The following NIBAN3 variants were observed in gnomAD, a reference collection of about 807,000 sequenced individuals.
The protein encoded by NIBAN3 is protein Niban 3.
A neutral mutation model predicts 76.4 loss-of-function variants in NIBAN3; 66 were observed. The observed-to-expected ratio is 0.86, with a 90% CI of 0.71 to 1.06. The LOEUF is 1.06. Among genes scored for constraint, NIBAN3 ranks in the 50% least tolerant of loss-of-function variants. NIBAN3 has a pLI of 0.00. For synonymous variants in NIBAN3, 360 were observed against 355.2 expected (o/e 1.01, Z -0.15); for missense variants, 808 against 810.7 (o/e 1.00, Z 0.04).
intron 6 of NIBAN3, 40 bp downstream of exon 6, chr19:17,539,305 C>A (rs2075890566): frequency 6.4e-7 from 1 of 1,561,806 alleles, no homozygotes; most frequent in African/African-American, 1.4e-5. Flanking sequence ...CCCCCAGGAC[C>A]CTCCCGGCCG....
intron 12 of NIBAN3, chr19:17,545,185 A>ATTTTG: frequency 6.8e-6 from 1 of 146,396 alleles, no homozygotes; most frequent in South Asian, 2.1e-4. Flanking sequence ...ATTTTATTTT[A>ATTTTG]TTTTATTTTA....
At chr19:17,547,913 A>T (rs4808665) in intron 13 of NIBAN3, among the ~76,000 whole-genome samples, 1 of 152,014 alleles carries the variant, frequency 6.6e-6, no homozygotes, top group Non-Finnish European at 1.5e-5. Flanking sequence ...GATCCGCCTG[A>T]CTTGGCCTCC....
Position 17,527,320 on chromosome 19 carries a change from G to C in NIBAN3, c.-21G>C. 6.4e-7 allele frequency: 1 copy of C among 1,550,452 alleles called. No homozygotes were observed. The highest frequency in any genetic ancestry group is 8.7e-7 in the Non-Finnish European group (1 of 1,146,702). ...GGTGGTCGTGGGGAAGGGAAGAGGA[G>C]CCCCGGGAGACGACAGCAGCATGGG... On this transcript the variant is annotated 5_prime_UTR_variant, in exon 1 of 15. Transcript: ENST00000599164.
intron 10 of NIBAN3, among the ~76,000 whole-genome samples, 182 bp from the exon 11 acceptor site, chr19:17,543,135 A>T (rs745434777): frequency 1.6e-4 from 24 of 152,166 alleles, no homozygotes; most frequent in Non-Finnish European, 3.2e-4. Context: ...TCCCCCACAG[A>T]CTAGACAATC....
chr19:17,541,429 T>C (rs1268726455), intron 9 of NIBAN3, among the ~76,000 whole-genome samples: 1 of 152,042 alleles, frequency 6.6e-6, no homozygotes, highest in African/African-American at 2.4e-5. Context: ...CTGTGGGTGA[T>C]TTCTATACTC....
chr19:17,540,612 G>A, intron 9 of NIBAN3, 30 bp downstream of exon 9: 1 of 1,394,202 alleles, frequency 7.2e-7, no homozygotes, highest in African/African-American at 1.5e-5. Context: ...GGTTCAGTGA[G>A]CCAGAGGGTG....
chr19:17,536,665 A>G (rs911748944), intron 4 of NIBAN3, among the ~76,000 whole-genome samples: 2 of 152,298 alleles, frequency 1.3e-5, no homozygotes, highest in African/African-American at 4.8e-5. Flanking sequence ...TCAGCCTCCA[A>G]AGGTGCTGGG....
chr19:17,540,015 C>T, intron 8 of NIBAN3: 1 of 478,338 alleles, frequency 2.1e-6, no homozygotes, highest in South Asian at 3.4e-5. Flanking sequence ...GAAACCAGGT[C>T]CTAAGGGGGC....
chr19:17,528,840 G>GT (rs1336547275), intron 1 of NIBAN3, among the ~76,000 whole-genome samples: 2 of 151,906 alleles, frequency 1.3e-5, no homozygotes, highest in Non-Finnish European at 2.9e-5. Context: ...ATGGAAGAGT[G>GT]TTTTTTTGGT....
chr19:17,534,815 A>G (rs542418917), intron 4 of NIBAN3, among the ~76,000 whole-genome samples: 1 of 151,926 alleles, frequency 6.6e-6, no homozygotes, highest in Non-Finnish European at 1.5e-5. Context: ...AAAGAAAAGA[A>G]AAGAAATTAG....
chr19:17,539,657 G>T lies in NIBAN3; in HGVS notation c.871G>T (p.Ala291Ser). 1 of 1,565,226 alleles carries T rather than the reference G, an allele frequency of 6.4e-7. No homozygotes were observed. Among genetic ancestry groups the T allele is most frequent in the Non-Finnish European group, 8.7e-7 (1 of 1,154,754 alleles). The part of the protein sequence containing the change: ...VLAGASAGLC[A>S]FQPEKDELLA... ...GGCCGGGGCCTCCGCCGGGCTCTGC[G>T]CCTTCCAGCCCGAAAAGGACGAGCT... Residue 291 changes from alanine (A) to serine (S), a missense_variant, in exon 8 of 15, where the codon GCC becomes TCC. Physicochemically the swap from Ala to Ser is moderately conservative, Grantham distance 99. Transcript: ENST00000599164.
chr19:17,533,739 C>A (rs1378079289), intron 4 of NIBAN3, 38 bp downstream of exon 4: 2 of 1,457,412 alleles, frequency 1.4e-6, no homozygotes, highest in Non-Finnish European at 1.9e-6. Flanking sequence ...GGTTTCTCCA[C>A]CCCAGCATCA....
intron 4 of NIBAN3, among the ~76,000 whole-genome samples, chr19:17,536,947 G>A (rs2075835244): frequency 6.6e-6 from 1 of 152,008 alleles, no homozygotes; most frequent in Non-Finnish European, 1.5e-5. Context: ...GACCAGCCTG[G>A]GTAACATAGT....
intron 9 of NIBAN3, among the ~76,000 whole-genome samples, chr19:17,541,668 T>A (rs2075955025): frequency 1.4e-5 from 2 of 146,378 alleles, no homozygotes; most frequent in South Asian, 4.4e-4. Flanking sequence ...TTTTATTTTA[T>A]TTTATTTTAT....
At position 17,529,177 on chromosome 19, in the gene NIBAN3, G is replaced by C. The variant is rs114491348; in HGVS notation, c.56-1578G>C. The stretch of plus-strand genomic sequence containing the variant: ...GCTTCATTCTCTTATATGTAAAATG[G>C]GGATAGCAACAACGCCTAGCTCATG... On this transcript the variant is annotated intron_variant, in intron 1 of 14. Coordinates refer to ENST00000599164, the MANE Select transcript of NIBAN3 (RefSeq NM_001321827.2). 9.4e-3 allele frequency among the ~76,000 whole-genome samples: 1,439 copies of C among 152,298 alleles called. 17 individuals are homozygous for C. The highest frequency in any genetic ancestry group is 0.033 in the African/African-American group (1,390 of 41,554).
chr19:17,543,613 C>A lies in NIBAN3; in HGVS notation c.1536C>A (p.Leu512=), dbSNP rs774926884. Reference sequence around the variant, plus strand: ...TTTTACCTTTTGTGCTGAGCCAACTCGAGCCAGGCTGCAAAAAGGTGAGTT... The same window carrying A: ...TTTTACCTTTTGTGCTGAGCCAACTAGAGCCAGGCTGCAAAAAGGTGAGTT... ...CIFLPFVLSQ[L]EPGCKKELPE... The change falls in exon 12 of 15, where the codon CTC becomes CTA. Residue 512 remains leucine (L), a synonymous_variant. Transcript: ENST00000599164. The A allele has an allele frequency of 3.2e-5, 51 of 1,613,016 alleles. No individual in the cohort carries two copies. The highest frequency in any genetic ancestry group is 4.1e-5 in the Non-Finnish European group (48 of 1,179,474).
chr19:17,528,084 G>GTTTGT (rs533477030), intron 1 of NIBAN3, among the ~76,000 whole-genome samples: 9 of 146,640 alleles, frequency 6.1e-5, no homozygotes, highest in Admixed American at 3.4e-4. Flanking sequence ...TTTTTTTTTT[G>GTTTGT]TTTGTTTTGT....
At chr19:17,555,535 G>T, downstream of NIBAN3, 1 of 510,836 alleles carries the variant, frequency 2.0e-6, no homozygotes, top group Non-Finnish European at 2.7e-6. Flanking sequence ...GGGTAGGGCT[G>T]CAGGTGACGT....
intron 9 of NIBAN3, 45 bp downstream of exon 9, chr19:17,540,627 G>A: frequency 1.5e-6 from 2 of 1,304,852 alleles, no homozygotes; most frequent in African/African-American, 1.5e-5. Context: ...AGGGTGATGT[G>A]TTAACTTGAG....
Sources: gnomAD v4.1 joint callset for allele counts (sites outside exome capture counted in the v4.1 genomes callset) on GRCh38, gnomAD v4.1.1 for gene constraint, MANE v1.5 for transcripts, NCBI Gene and HGNC (gene_info 2026-07-23, HGNC 2026-07-21) for gene names.